CSMD1: variants seen among roughly 807,000 people sequenced by gnomAD.
CSMD1 encodes the protein CUB and Sushi multiple domains 1, also known as CUB and sushi domain-containing protein 1.
CSMD1 carries 213 observed loss-of-function variants against 417.5 expected under a neutral mutation model. That is an observed-to-expected ratio of 0.51 (90% CI 0.46 to 0.57). CSMD1 has a LOEUF of 0.57. Ranked by LOEUF, CSMD1 falls within the 20% of genes least tolerant of loss-of-function variation. The pLI is 0.00. For missense variants in CSMD1, 6,923 were observed against 4,529.7 expected (o/e 1.53, Z -15.17); for synonymous variants, 2,862 against 1,736.8 (o/e 1.65, Z -16.11).
chr8:4,833,756 T>C (rs1800290324), intron 1 of CSMD1, among the ~76,000 whole-genome samples: 2 of 152,332 alleles, frequency 1.3e-5, no homozygotes, highest in Middle Eastern at 6.8e-3. Flanking sequence ...TTACATTGAC[T>C]TCTATTCGTT....
chr8:3,111,383 T>C (rs1258514880), intron 42 of CSMD1, among the ~76,000 whole-genome samples: 1 of 152,198 alleles, frequency 6.6e-6, no homozygotes, highest in Non-Finnish European at 1.5e-5. Flanking sequence ...GAGACTACTT[T>C]AGAAGTTTTA....
intron 26 of CSMD1, among the ~76,000 whole-genome samples, chr8:3,262,755 T>C (rs1340610870): frequency 6.6e-6 from 1 of 152,124 alleles, no homozygotes; most frequent in Non-Finnish European, 1.5e-5. Context: ...TTAATAAGCT[T>C]AGTGTTTAAC....
intron 23 of CSMD1, among the ~76,000 whole-genome samples, chr8:3,327,562 CAACTGAAT>C (rs1009417926): frequency 7.9e-5 from 12 of 152,240 alleles, no homozygotes; most frequent in Admixed American, 7.8e-4. Context: ...TCTTTCTCCA[CAACTGAAT>C]GTCACCATGT....
chr8:3,850,646 G>C (rs1450286806), intron 5 of CSMD1, among the ~76,000 whole-genome samples: 2 of 152,128 alleles, frequency 1.3e-5, no homozygotes, highest in Non-Finnish European at 2.9e-5. Flanking sequence ...GGTGAGCCAA[G>C]ATCGCACCAC....
At chr8:4,752,613 G>T (rs780879376) in intron 1 of CSMD1, among the ~76,000 whole-genome samples, 1 of 152,088 alleles carries the variant, frequency 6.6e-6, no homozygotes, top group Admixed American at 6.6e-5. Flanking sequence ...AAAAATGTAG[G>T]GGAGCAAGAG....
At chr8:4,589,153 TGAGAA>T (rs1799859844) in intron 2 of CSMD1, among the ~76,000 whole-genome samples, 1 of 152,040 alleles carries the variant, frequency 6.6e-6, no homozygotes, top group Non-Finnish European at 1.5e-5. Context: ...TTGCTCTCAA[TGAGAA>T]AAGAAAGAAA....
intron 1 of CSMD1, among the ~76,000 whole-genome samples, chr8:4,982,337 G>A (rs750030006): frequency 7.2e-5 from 11 of 152,202 alleles, no homozygotes; most frequent in Non-Finnish European, 1.6e-4. Context: ...ATGTAGCTCT[G>A]TTTTCTAGCT....
Position 4,827,598 on chromosome 8 carries a change from G to A in CSMD1, c.85+166734C>T, listed in dbSNP as rs527836641. On this transcript the variant is annotated intron_variant, in intron 1 of 69. Coordinates refer to ENST00000635120, the MANE Select transcript of CSMD1 (RefSeq NM_033225.6). ...AAAATACAGCCTGCATTTTCTTTGA[G>A]GAGCTTGTGTCTCAGAAAGATTGAA... Among the ~76,000 whole-genome samples the A allele has an allele frequency of 1.4e-4, 22 of 152,260 alleles. No individual in the cohort carries two copies. The East Asian group carries it at 2.5e-3, about 17-fold the overall frequency.
At chr8:2,978,103 T>C (rs865915758) in intron 55 of CSMD1, among the ~76,000 whole-genome samples, 3 of 152,218 alleles carry the variant, frequency 2.0e-5, no homozygotes, top group South Asian at 2.1e-4. Flanking sequence ...GAGGTTTTTA[T>C]TGTAGTCACC....
intron 49 of CSMD1, among the ~76,000 whole-genome samples, chr8:3,057,339 A>G (rs1390008283): frequency 6.6e-6 from 1 of 152,188 alleles, no homozygotes; most frequent in Non-Finnish European, 1.5e-5. Flanking sequence ...TTATGTTTGT[A>G]TATATTTAGT....
intron 25 of CSMD1, among the ~76,000 whole-genome samples, chr8:3,298,366 A>G (rs1323816402): frequency 2.0e-5 from 3 of 152,230 alleles, no homozygotes; most frequent in African/African-American, 7.2e-5. Context: ...GAATGGATAA[A>G]TAAATTATAT....
chr8:4,456,432 T>G (rs1159773749), intron 2 of CSMD1, among the ~76,000 whole-genome samples: 2 of 152,172 alleles, frequency 1.3e-5, no homozygotes, highest in African/African-American at 2.4e-5. Flanking sequence ...AAAGTATTTT[T>G]AATTGCTGTT....
intron 2 of CSMD1, among the ~76,000 whole-genome samples, chr8:4,590,171 G>A (rs1453293454): frequency 6.7e-6 from 1 of 149,188 alleles, no homozygotes; most frequent in Admixed American, 6.7e-5. Flanking sequence ...TCTTTATGCT[G>A]TTTTTTTTTT....
chr8:3,292,482 A>G (rs908145123), intron 25 of CSMD1, among the ~76,000 whole-genome samples: 5 of 152,112 alleles, frequency 3.3e-5, no homozygotes, highest in African/African-American at 1.2e-4. Flanking sequence ...GTAGGTGTCT[A>G]AGGACTTGCT....
chr8:3,299,589 G>A (rs1002037460), intron 25 of CSMD1, among the ~76,000 whole-genome samples: 14 of 151,456 alleles, frequency 9.2e-5, no homozygotes, highest in East Asian at 1.9e-4. Flanking sequence ...ACCATACAGC[G>A]GACATAGGTG....
In CSMD1 at chr8:4,327,306, CTTCTT is replaced by C. The variant is rs1195985852; in HGVS notation, c.415+92642_415+92646del. On this transcript the variant is annotated intron_variant, in intron 3 of 69. Coordinates refer to ENST00000635120, the MANE Select transcript of CSMD1 (RefSeq NM_033225.6). ...GTATCTCTTTTACATTTTTCTCTTC[CTTCTT>C]TTCAAGAGCAATTTTAAGAGAGAAT... Among the ~76,000 whole-genome samples the C allele has an allele frequency of 1.1e-4, 17 of 152,180 alleles. No individual in the cohort carries two copies. The East Asian group carries it at 2.9e-3, about 26-fold the overall frequency.
intron 2 of CSMD1, among the ~76,000 whole-genome samples, chr8:4,473,836 C>T (rs1800660262): frequency 6.6e-6 from 1 of 152,040 alleles, no homozygotes; most frequent in Non-Finnish European, 1.5e-5. Flanking sequence ...CAAATAGGAA[C>T]ACGCAAATGA....
At chr8:4,361,584 A>T (rs1801767598) in intron 3 of CSMD1, among the ~76,000 whole-genome samples, 1 of 152,184 alleles carries the variant, frequency 6.6e-6, no homozygotes, top group Non-Finnish European at 1.5e-5. Context: ...CCTCTGTGAA[A>T]CGCAGTTGCC....
At chr8:4,908,414 G>C (rs1006135661) in intron 1 of CSMD1, among the ~76,000 whole-genome samples, 1 of 152,122 alleles carries the variant, frequency 6.6e-6, no homozygotes, top group African/African-American at 2.4e-5. Flanking sequence ...ATTTTGGAAA[G>C]CTCCCAGTAT....
Sources: allele counts gnomAD v4.1 joint callset (sites outside exome capture counted in the v4.1 genomes callset), GRCh38; gene constraint gnomAD v4.1.1; transcripts MANE v1.5; gene names NCBI Gene and HGNC (gene_info 2026-07-23, HGNC 2026-07-21).